Variants in KALRN observed in about 807,000 individuals in gnomAD.
KALRN encodes the protein kalirin.
A neutral mutation model predicts 353.7 loss-of-function variants in KALRN; 70 were observed. The ratio of observed to expected loss-of-function variants is 0.20; its 90% CI spans 0.16 to 0.24. KALRN has a LOEUF of 0.24. Ranked by LOEUF, KALRN falls within the 10% of genes least tolerant of loss-of-function variation. The pLI, the probability that KALRN is intolerant of heterozygous loss-of-function variation, is 1.00. For synonymous variants in KALRN, 1,391 were observed against 1,434.8 expected (o/e 0.97, Z 0.69); for missense variants, 2,791 against 3,756.7 (o/e 0.74, Z 6.72).
chr3:124,267,672 C>A (rs9289233), intron 4 of KALRN, among the ~76,000 whole-genome samples: 7,663 of 152,272 alleles, frequency 0.05, 238 homozygotes, highest in East Asian at 0.086. Context: ...TCCTTCCTTC[C>A]TCTTAGGAGA....
intron 37 of KALRN, among the ~76,000 whole-genome samples, chr3:124,640,048 G>C (rs1432901760): frequency 5.9e-5 from 9 of 152,110 alleles, no homozygotes; most frequent in Non-Finnish European, 1.2e-4. Context: ...GAGACTCTTA[G>C]TCCTATTCCT....
chr3:124,629,882 G>A (rs975891701), intron 34 of KALRN, among the ~76,000 whole-genome samples: 15 of 151,836 alleles, frequency 9.9e-5, no homozygotes, highest in South Asian at 8.3e-4. Flanking sequence ...AGAGGTCTGC[G>A]AAAATAAAAA....
chr3:124,183,372 C>G (rs1222800672), intron 1 of KALRN, among the ~76,000 whole-genome samples: 1 of 152,162 alleles, frequency 6.6e-6, no homozygotes, highest in Non-Finnish European at 1.5e-5. Flanking sequence ...AGGGAACAGG[C>G]ATCTCTCATG....
At chr3:124,704,739 G>A (rs577485108) in intron 57 of KALRN, among the ~76,000 whole-genome samples, 1 of 151,838 alleles carries the variant, frequency 6.6e-6, no homozygotes, top group African/African-American at 2.4e-5. Context: ...TTGTAGATAC[G>A]GTATTTCACC....
intron 1 of KALRN, among the ~76,000 whole-genome samples, chr3:124,218,419 A>C (rs1242230337): frequency 6.6e-6 from 1 of 152,192 alleles, no homozygotes; most frequent in Non-Finnish European, 1.5e-5. Context: ...CTCCAAATAT[A>C]TTATAATAGC....
chr3:124,682,947 C>T (rs1248475433), intron 51 of KALRN, among the ~76,000 whole-genome samples: 2 of 152,174 alleles, frequency 1.3e-5, no homozygotes, highest in Non-Finnish European at 2.9e-5. Context: ...ATGCCATCCC[C>T]TCGTGGCCAA....
chr3:124,559,453 C>G (rs2071670362), intron 33 of KALRN, among the ~76,000 whole-genome samples: 1 of 152,184 alleles, frequency 6.6e-6, no homozygotes, highest in Admixed American at 6.5e-5. Context: ...GAGAAAATAT[C>G]TGAGAGCTCC....
At chr3:124,088,411 A>G (rs2060935363) in intron 1 of KALRN, among the ~76,000 whole-genome samples, 1 of 152,216 alleles carries the variant, frequency 6.6e-6, no homozygotes, top group African/African-American at 2.4e-5. Context: ...TAGAGGAATC[A>G]TAAGCTCTAA....
chr3:124,114,675 G>A (rs546734828), intron 1 of KALRN, among the ~76,000 whole-genome samples: 14 of 152,302 alleles, frequency 9.2e-5, no homozygotes, highest in Admixed American at 3.3e-4. Context: ...TGGCAGGTAC[G>A]GCTGACAATG....
At position 124,262,274 on chromosome 3, in the gene KALRN, C is replaced by T. The variant is rs115628494; in HGVS notation, c.264-2224C>T. Among the ~76,000 whole-genome samples the T allele has an allele frequency of 4.2e-3, 643 of 152,208 alleles. 4 individuals are homozygous for T. The highest frequency in any genetic ancestry group is 0.015 in the African/African-American group (612 of 41,522). The stretch of plus-strand genomic sequence containing the variant: ...AACTACGTTACAGTGAAAAGTAGAA[C>T]AGTATATGATATGAAAACTCTACGC... On this transcript the variant is annotated intron_variant, in intron 3 of 59. Transcript: ENST00000682506.
At chr3:124,452,507 CCACTTGT>C (rs1379478676) in intron 21 of KALRN, among the ~76,000 whole-genome samples, 3 of 152,172 alleles carry the variant, frequency 2.0e-5, no homozygotes, top group Middle Eastern at 6.8e-3. Context: ...AAGGCATTGC[CCACTTGT>C]TTTTTGGGGA....
chr3:124,154,951 G>A (rs1315606739), intron 1 of KALRN, among the ~76,000 whole-genome samples: 3 of 152,120 alleles, frequency 2.0e-5, no homozygotes, highest in Admixed American at 6.5e-5. Context: ...CAGAAATAAC[G>A]CCACATATAT....
At chr3:124,701,618 A>G (rs9877906) in intron 56 of KALRN, among the ~76,000 whole-genome samples, 4 of 152,054 alleles carry the variant, frequency 2.6e-5, no homozygotes, top group Non-Finnish European at 5.9e-5. Flanking sequence ...AGAAATTTCT[A>G]AAATGTCTTT....
At chr3:124,075,380 G>A (rs1431595832) in intron 1 of KALRN, among the ~76,000 whole-genome samples, 4 of 152,188 alleles carry the variant, frequency 2.6e-5, no homozygotes, top group Non-Finnish European at 1.5e-5. Flanking sequence ...CCATCAAGGA[G>A]GGCAAGTTGG....
intron 1 of KALRN, among the ~76,000 whole-genome samples, chr3:124,213,995 A>G (rs2150532134): frequency 6.6e-6 from 1 of 152,338 alleles, no homozygotes; most frequent in Non-Finnish European, 1.5e-5. Context: ...TATTCTATAT[A>G]TGAAGGATCA....
chr3:124,329,378 G>A (rs1030357707), intron 7 of KALRN, among the ~76,000 whole-genome samples: 1 of 152,188 alleles, frequency 6.6e-6, no homozygotes, highest in Non-Finnish European at 1.5e-5. Context: ...CAAGTTTCCT[G>A]GGGTTCCTGG....
At chr3:124,272,066 A>ACT (rs573165596) in intron 5 of KALRN, among the ~76,000 whole-genome samples, 157 of 152,292 alleles carry the variant, frequency 1.0e-3, no homozygotes, top group African/African-American at 3.7e-3. Context: ...GGGTTGAAAA[A>ACT]CTAACTATTG....
At chr3:124,421,636 C>T (rs936864155) in intron 14 of KALRN, among the ~76,000 whole-genome samples, 12 of 152,096 alleles carry the variant, frequency 7.9e-5, no homozygotes, top group South Asian at 6.2e-4. Context: ...AGTACACTTT[C>T]GGGTAGTCTT....
chr3:124,376,769 T>G (rs1025406382), intron 10 of KALRN, among the ~76,000 whole-genome samples: 52 of 152,306 alleles, frequency 3.4e-4, no homozygotes, highest in Non-Finnish European at 7.3e-5. Flanking sequence ...GCAGAGTTTT[T>G]GGGTTGAGTG....
Sources: gnomAD v4.1 joint callset for allele counts (sites outside exome capture counted in the v4.1 genomes callset) on GRCh38, gnomAD v4.1.1 for gene constraint, MANE v1.5 for transcripts, NCBI Gene and HGNC (gene_info 2026-07-23, HGNC 2026-07-21) for gene names.